The following PIGU variants were observed in gnomAD, a reference collection of about 807,000 sequenced individuals.
The protein encoded by PIGU is GPI-anchor transamidase component PIGU.
A neutral mutation model predicts 49.9 loss-of-function variants in PIGU; 24 were observed. The ratio of observed to expected loss-of-function variants is 0.48; its 90% CI spans 0.35 to 0.68. The LOEUF (loss-of-function observed/expected upper bound fraction) is 0.68. PIGU is among the 30% of genes least tolerant of loss of function. PIGU has a pLI of 0.01. For synonymous variants in PIGU, 220 were observed against 205.7 expected (o/e 1.07, Z -0.59); for missense variants, 490 against 532.6 (o/e 0.92, Z 0.79).
chr20:34,637,765 T>G (rs1439374224), intron 5 of PIGU, 111 bp downstream of exon 5: 11 of 1,558,278 alleles, frequency 7.1e-6, no homozygotes, highest in Non-Finnish European at 9.5e-6. Context: ...AGCAAATACT[T>G]GATGACTAAG....
chr20:34,625,957 A>AT (rs1555800339), intron 6 of PIGU, among the ~76,000 whole-genome samples: 4 of 145,734 alleles, frequency 2.7e-5, no homozygotes, highest in South Asian at 2.1e-4. Flanking sequence ...ACATATATAT[A>AT]ATATATATAT....
intron 10 of PIGU, among the ~76,000 whole-genome samples, chr20:34,580,500 A>G (rs758037384): frequency 1.3e-5 from 2 of 152,202 alleles, no homozygotes; most frequent in Non-Finnish European, 2.9e-5. Context: ...TTGACACCCA[A>G]AACAACAACA....
chr20:34,637,471 T>C (rs1986003997), intron 5 of PIGU, among the ~76,000 whole-genome samples: 1 of 152,206 alleles, frequency 6.6e-6, no homozygotes, highest in South Asian at 2.1e-4. Context: ...TTCAGTTTTA[T>C]AAGCTACAAA....
At chr20:34,565,327 A>G (rs771518331) in intron 11 of PIGU, among the ~76,000 whole-genome samples, 15 of 151,546 alleles carry the variant, frequency 9.9e-5, no homozygotes, top group Non-Finnish European at 2.2e-4. Context: ...GTGTGATCTC[A>G]GCTCACTGCA....
At chr20:34,631,828 G>A (rs1382204268) in intron 6 of PIGU, among the ~76,000 whole-genome samples, 2 of 86,688 alleles carry the variant, frequency 2.3e-5, no homozygotes, top group Admixed American at 1.5e-4. Context: ...GTAGAGACGG[G>A]GTTTCACCGT....
intron 10 of PIGU, 47 bp from the exon 11 acceptor site, chr20:34,575,293 A>T: frequency 6.3e-7 from 1 of 1,593,856 alleles, no homozygotes; most frequent in Middle Eastern, 1.9e-4. Context: ...TCTCTCTGGC[A>T]TGCTTTCCCT....
chr20:34,599,326 G>A (rs6059938), intron 7 of PIGU, among the ~76,000 whole-genome samples: 66,777 of 151,750 alleles, frequency 0.44, 15,229 homozygotes, highest in Non-Finnish European at 0.49. Flanking sequence ...GGTGGCACGC[G>A]CCTGTAGTCC....
At chr20:34,584,030 G>C (rs148983668) in intron 9 of PIGU, among the ~76,000 whole-genome samples, 2 of 152,116 alleles carry the variant, frequency 1.3e-5, no homozygotes, top group African/African-American at 4.8e-5. Context: ...AACCATTTCC[G>C]GAGGCTACTA....
Position 34,668,352 on chromosome 20 carries a change from C to T in PIGU, c.130+8604G>A, listed in dbSNP as rs557063110. On this transcript the variant is annotated intron_variant, in intron 1 of 11. Transcript: ENST00000217446. ...TGGCAGGGACCTATAATCCCAGCTA[C>T]TCGGGAGGCTAAGGCAGGAGAATCT... Among the ~76,000 whole-genome samples the T allele has an allele frequency of 1.3e-4, 19 of 148,222 alleles. No homozygotes were observed. In the East Asian group the frequency reaches 3.4e-3, roughly 27 times the overall value.
chr20:34,600,325 T>G (rs1984367578), intron 7 of PIGU, among the ~76,000 whole-genome samples: 1 of 151,726 alleles, frequency 6.6e-6, no homozygotes, highest in African/African-American at 2.4e-5. Context: ...GAGAGATGCT[T>G]GAACCTGGGA....
rs1047371826 is a variant in PIGU at position 34,587,314 on chromosome 20, G to T, written c.782+1139C>A. Among the ~76,000 whole-genome samples, 9 of 152,318 alleles carry T rather than the reference G, an allele frequency of 5.9e-5. No homozygotes were observed. In the East Asian group the frequency reaches 1.7e-3, roughly 29 times the overall value. On this transcript the variant is annotated intron_variant, in intron 8 of 11. Coordinates refer to ENST00000217446, the MANE Select transcript of PIGU (RefSeq NM_080476.5). ...GTCCCTCACCCTCTGAGTCCAGCTA[G>T]AGCTATGAAAACCAAATTAGCTTCC...
At chr20:34,676,693 G>A (rs1177667392) in intron 1 of PIGU, among the ~76,000 whole-genome samples, 1 of 152,064 alleles carries the variant, frequency 6.6e-6, no homozygotes, top group Non-Finnish European at 1.5e-5. Flanking sequence ...ACACTGAATG[G>A]GACACGCCCC....
At chr20:34,590,744 C>T (rs1360126232) in intron 7 of PIGU, among the ~76,000 whole-genome samples, 2 of 151,124 alleles carry the variant, frequency 1.3e-5, no homozygotes, top group African/African-American at 2.4e-5. Flanking sequence ...ACACAGAGGC[C>T]GGGCGCGGTA....
At chr20:34,567,802 C>CCTCTCT (rs11467880) in intron 11 of PIGU, among the ~76,000 whole-genome samples, 15 of 144,618 alleles carry the variant, frequency 1.0e-4, no homozygotes, top group Admixed American at 2.1e-4. Context: ...CCTCCTTCCT[C>CCTCTCT]CTCTCTCTCT....
At chr20:34,582,902 T>G (rs1983543609) in intron 9 of PIGU, among the ~76,000 whole-genome samples, 1 of 151,736 alleles carries the variant, frequency 6.6e-6, no homozygotes, top group Admixed American at 6.6e-5. Context: ...CTCCGAGAGC[T>G]GACCAAGTGC....
chr20:34,617,485 A>C (rs1392865534), intron 6 of PIGU, among the ~76,000 whole-genome samples: 3 of 152,330 alleles, frequency 2.0e-5, no homozygotes, highest in South Asian at 2.1e-4. Context: ...TCCAACTTGC[A>C]TGAGGCCTGT....
In PIGU at chr20:34,676,970, C is replaced by A; in HGVS notation, c.116G>T (p.Ser39Ile). The A allele has an allele frequency of 6.3e-7, 1 of 1,576,308 alleles. No individual in the cohort carries two copies. Among genetic ancestry groups the A allele is most frequent in the Non-Finnish European group, 8.6e-7 (1 of 1,162,034 alleles). Residue 39 changes from serine (S) to isoleucine (I), a missense_variant, in exon 1 of 12, where the codon AGC (serine) becomes ATC (isoleucine). Coordinates refer to ENST00000217446, the MANE Select transcript of PIGU (RefSeq NM_080476.5). ...AGTGGCCTCACCTCTCTTCCAAGAG[C>A]TCAGTGGGGACACCACCTCCACCCG... ...SERVEVVSPL[S>I]SWKRVVEGLS...
chr20:34,601,842 G>C (rs1984436773), intron 7 of PIGU, among the ~76,000 whole-genome samples: 1 of 152,124 alleles, frequency 6.6e-6, no homozygotes, highest in Non-Finnish European at 1.5e-5. Context: ...TGCAATTCTT[G>C]CTTCCCAAAT....
chr20:34,675,022 G>A (rs867836335), intron 1 of PIGU, among the ~76,000 whole-genome samples: 2 of 151,146 alleles, frequency 1.3e-5, no homozygotes, highest in South Asian at 2.1e-4. Context: ...GCCGAGGAAG[G>A]CAGATCACCT....
Sources: gnomAD v4.1 joint callset for allele counts (sites outside exome capture counted in the v4.1 genomes callset) on GRCh38, gnomAD v4.1.1 for gene constraint, MANE v1.5 for transcripts, NCBI Gene and HGNC (gene_info 2026-07-23, HGNC 2026-07-21) for gene names.